AGMO: variants seen among roughly 807,000 people sequenced by gnomAD.
The protein encoded by AGMO is alkylglycerol monooxygenase, also known as glyceryl-ether monooxygenase.
A neutral mutation model predicts 60.2 loss-of-function variants in AGMO; 75 were observed. The ratio of observed to expected loss-of-function variants is 1.25; its 90% CI spans 1.03 to 1.51. AGMO has a LOEUF of 1.51. Ranked by LOEUF, AGMO falls within the 40% of genes most tolerant of loss-of-function variation. AGMO has a pLI of 0.00. For missense variants in AGMO, 763 were observed against 525.5 expected, an observed-to-expected ratio of 1.45 and a Z score of -4.42; for synonymous variants, 261 against 177.1, an observed-to-expected ratio of 1.47 and a Z score of -3.76.
chr7:15,363,077 A>AG (rs1770359586), intron 12 of AGMO, among the ~76,000 whole-genome samples: 1 of 152,330 alleles, frequency 6.6e-6, no homozygotes, highest in African/African-American at 2.4e-5. Context: ...GAATAATACT[A>AG]GTAAGGCATT....
intron 3 of AGMO, among the ~76,000 whole-genome samples, chr7:15,452,853 T>A (rs1781891278): frequency 6.6e-6 from 1 of 152,098 alleles, no homozygotes; most frequent in African/African-American, 2.4e-5. Flanking sequence ...AATGGATAAA[T>A]AAATTGTGGT....
chr7:15,260,455 C>T (rs1029742562), intron 12 of AGMO, among the ~76,000 whole-genome samples: 1 of 152,064 alleles, frequency 6.6e-6, no homozygotes, highest in East Asian at 1.9e-4. Context: ...ACTAGTACAA[C>T]AGGAAAATAT....
At chr7:15,385,810 A>G (rs1158257806) in intron 9 of AGMO, among the ~76,000 whole-genome samples, 1 of 152,210 alleles carries the variant, frequency 6.6e-6, no homozygotes, top group Admixed American at 6.5e-5. Flanking sequence ...TAATAAAGAG[A>G]GCCAAAATGC....
intron 10 of AGMO, among the ~76,000 whole-genome samples, chr7:15,385,189 A>G (rs1783864017): frequency 6.6e-6 from 1 of 152,194 alleles, no homozygotes; most frequent in Admixed American, 6.5e-5. Context: ...TATGGCAAAT[A>G]ATTTCTTATT....
chr7:15,324,299 G>A (rs549522926), intron 12 of AGMO, among the ~76,000 whole-genome samples: 6 of 152,096 alleles, frequency 3.9e-5, no homozygotes, highest in Non-Finnish European at 8.8e-5. Flanking sequence ...TTGGTATCAG[G>A]CAACCCTGTC....
intron 3 of AGMO, among the ~76,000 whole-genome samples, chr7:15,541,688 C>A (rs967702311): frequency 6.6e-6 from 1 of 151,754 alleles, no homozygotes; most frequent in African/African-American, 2.4e-5. Context: ...AAACTGTTTT[C>A]TGCTAACTGT....
chr7:15,408,760 T>C (rs1176752549), intron 5 of AGMO, among the ~76,000 whole-genome samples: 3 of 151,938 alleles, frequency 2.0e-5, no homozygotes, highest in East Asian at 3.9e-4. Flanking sequence ...ACATAACCTC[T>C]GTATAGTTGT....
At chr7:15,410,056 G>A (rs997579004) in intron 5 of AGMO, among the ~76,000 whole-genome samples, 2 of 151,538 alleles carry the variant, frequency 1.3e-5, no homozygotes, top group Non-Finnish European at 3.0e-5. Flanking sequence ...GAATATATCA[G>A]TCCAATTCTC....
At chr7:15,321,575 T>C (rs1448678624) in intron 12 of AGMO, among the ~76,000 whole-genome samples, 1 of 152,152 alleles carries the variant, frequency 6.6e-6, no homozygotes, top group Non-Finnish European at 1.5e-5. Flanking sequence ...ATCTCTACAC[T>C]TAGCATTTGT....
At chr7:15,366,323 T>G in intron 10 of AGMO, 101 bp from the exon 11 acceptor site, 1 of 721,480 alleles carries the variant, frequency 1.4e-6, no homozygotes, top group Non-Finnish European at 2.3e-6. Flanking sequence ...TATGTCCTGT[T>G]GCACCACTTG....
chr7:15,458,975 A>T (rs867494489), intron 3 of AGMO, among the ~76,000 whole-genome samples: 27 of 152,274 alleles, frequency 1.8e-4, no homozygotes, highest in African/African-American at 6.5e-4. Context: ...TTTTCAGGTC[A>T]GAAGAGGAAT....
At chr7:15,196,286 T>C (rs1050282753), downstream of AGMO, among the ~76,000 whole-genome samples, 9 of 152,136 alleles carry the variant, frequency 5.9e-5, no homozygotes, top group Non-Finnish European at 1.2e-4. Context: ...TGACCTCATG[T>C]GATCCACCCA....
chr7:15,302,064 T>C (rs939565191), intron 12 of AGMO, among the ~76,000 whole-genome samples: 3 of 152,212 alleles, frequency 2.0e-5, no homozygotes, highest in East Asian at 1.9e-4. Flanking sequence ...ATAAAACCCT[T>C]TGTGGTACAT....
intron 12 of AGMO, among the ~76,000 whole-genome samples, chr7:15,304,171 A>G (rs184723064): frequency 3.9e-4 from 60 of 152,256 alleles, no homozygotes; most frequent in Non-Finnish European, 6.9e-4. Flanking sequence ...AATAGCTGGA[A>G]AATTCCCCCA....
intron 12 of AGMO, among the ~76,000 whole-genome samples, chr7:15,259,891 A>T (rs1337591398): frequency 7.1e-6 from 1 of 141,256 alleles, no homozygotes; most frequent in Admixed American, 7.4e-5. Context: ...CCAGCACTAC[A>T]AGAACTGCAA....
the AGMO span, among the ~76,000 whole-genome samples, chr7:15,125,407 A>T: frequency 1.3e-5 from 2 of 152,122 alleles, no homozygotes; most frequent in Non-Finnish European, 2.9e-5. Flanking sequence ...TACTACCAAG[A>T]GCCCCATAGC....
intron 10 of AGMO, among the ~76,000 whole-genome samples, chr7:15,377,133 T>C (rs971808445): frequency 1.3e-5 from 2 of 152,114 alleles, no homozygotes; most frequent in Non-Finnish European, 2.9e-5. Flanking sequence ...TGGATTTTAA[T>C]GTCTTTGTAT....
intron 12 of AGMO, among the ~76,000 whole-genome samples, chr7:15,256,365 C>A (rs1783097687): frequency 1.3e-5 from 2 of 151,980 alleles, no homozygotes; most frequent in South Asian, 4.2e-4. Flanking sequence ...TTTTTTGAGA[C>A]GGAGTCTCGC....
chr7:15,393,299 G>A (rs1170367702), intron 6 of AGMO, among the ~76,000 whole-genome samples: 2 of 152,132 alleles, frequency 1.3e-5, no homozygotes, highest in Non-Finnish European at 2.9e-5. Flanking sequence ...GAGGAAGACT[G>A]GAAACTTATA....
Sources: allele counts gnomAD v4.1 joint callset (sites outside exome capture counted in the v4.1 genomes callset), GRCh38; gene constraint gnomAD v4.1.1; transcripts MANE v1.5; gene names NCBI Gene and HGNC (gene_info 2026-07-23, HGNC 2026-07-21).